Variants in NSD1 observed in about 807,000 individuals in gnomAD.
NSD1 encodes the protein nuclear receptor binding SET domain protein 1.
NSD1 carries 26 observed loss-of-function variants against 242.7 expected under a neutral mutation model. The observed-to-expected ratio is 0.11, with a 90% CI of 0.08 to 0.15. NSD1 has a LOEUF of 0.15. Ranked by LOEUF, NSD1 falls within the 10% of genes least tolerant of loss-of-function variation. The probability of loss-of-function intolerance (pLI) is 1.00; values close to 1 mark genes in which losing one functional copy is unlikely to be tolerated. For synonymous variants in NSD1, 1,106 were observed against 1,178.1 expected, an observed-to-expected ratio of 0.94 and a Z score of 1.25; for missense variants, 2,495 against 3,272.8, an observed-to-expected ratio of 0.76 and a Z score of 5.80.
At chr5:177,180,067 A>AT (rs1760531962) in intron 2 of NSD1, among the ~76,000 whole-genome samples, 1 of 150,760 alleles carries the variant, frequency 6.6e-6, no homozygotes, top group Non-Finnish European at 1.5e-5. Context: ...CGCCTGGCTA[A>AT]TTTTTGTTTT....
chr5:177,210,535 A>C lies in NSD1; in HGVS notation c.2136A>C (p.Leu712Phe). 6.2e-7 allele frequency: 1 copy of C among 1,614,182 alleles called. No individual in the cohort carries two copies. Among genetic ancestry groups the C allele is most frequent in the South Asian group, 1.1e-5 (1 of 91,080 alleles). Residue 712 changes from leucine (L) to phenylalanine (F), a missense_variant, in exon 5 of 23, where the codon TTA becomes TTC. Coordinates refer to ENST00000439151, the MANE Select transcript of NSD1 (RefSeq NM_022455.5). ...PLISNSHTDHLMGCTKSAEPG... is the reference protein window; with the variant it reads ...PLISNSHTDHFMGCTKSAEPG... Reference sequence around the variant, plus strand: ...TTAGTAACTCACATACAGACCACTTAATGGGTTGTACTAAGAGTGCAGAGC... The same window carrying C: ...TTAGTAACTCACATACAGACCACTTCATGGGTTGTACTAAGAGTGCAGAGC...
In NSD1 at chr5:177,298,991, C is replaced by G. The variant is rs560780373; in HGVS notation, c.*3532C>G. The G allele has an allele frequency of 3.0e-5, 7 of 233,184 alleles. No individual in the cohort carries two copies. Among genetic ancestry groups the G allele is most frequent in the Admixed American group, 5.6e-5 (1 of 17,800 alleles). 14.4% of individuals were successfully genotyped at this position (233,184 alleles called of 1,614,324 possible). A position where few individuals can be genotyped will look rare whatever the true frequency, so the allele number is the denominator to read the frequency against. ...AGAAGGAGCTGCCTCCAGCCCCTTT[C>G]TTGCTGAGTTTCATTTGAGCAGTTC... is the stretch of plus-strand genomic sequence containing the variant. On this transcript the variant is annotated 3_prime_UTR_variant, in exon 23 of 23. Transcript: ENST00000439151.
chr5:177,266,494 T>G (rs1562277076), intron 14 of NSD1: 1 of 623,428 alleles, frequency 1.6e-6, no homozygotes, highest in Admixed American at 2.3e-5. Flanking sequence ...GTAGTAATCT[T>G]TGGACGTCAT....
chr5:177,191,782 C>A, intron 2 of NSD1, 102 bp from the exon 3 acceptor site: 1 of 1,245,898 alleles, frequency 8.0e-7, no homozygotes, highest in South Asian at 1.3e-5. Context: ...TTTTCATTCT[C>A]AATTTTTCAT....
chr5:177,207,142 G>T (rs1338864286), intron 4 of NSD1, among the ~76,000 whole-genome samples: 1 of 151,820 alleles, frequency 6.6e-6, no homozygotes, highest in Non-Finnish European at 1.5e-5. Flanking sequence ...TCACTATGTT[G>T]GCCAGGCTGG....
chr5:177,139,802 T>A (rs1221235391), intron 2 of NSD1, among the ~76,000 whole-genome samples: 2 of 151,846 alleles, frequency 1.3e-5, no homozygotes, highest in African/African-American at 4.8e-5. Flanking sequence ...ACTCAGTTGG[T>A]TGTGGTGGTA....
intron 2 of NSD1, among the ~76,000 whole-genome samples, chr5:177,163,185 A>G (rs114254699): frequency 0.027 from 3,776 of 141,638 alleles, 49 homozygotes; most frequent in African/African-American, 0.03. Context: ...TTCTGTTGCC[A>G]AGTCTGGAAT....
At chr5:177,190,421 C>T (rs182150456) in intron 2 of NSD1, among the ~76,000 whole-genome samples, 1,830 of 149,074 alleles carry the variant, frequency 0.012, 19 homozygotes, top group Non-Finnish European at 0.02. Flanking sequence ...CTGGGATTAC[C>T]GGCATGCGCC....
rs1331858712 is a variant in NSD1 at position 177,269,821 on chromosome 5, TTTTG to T, written c.5509+18_5509+21del. On this transcript the variant is annotated intron_variant, in intron 16 of 22. Coordinates refer to ENST00000439151, the MANE Select transcript of NSD1 (RefSeq NM_022455.5). The surrounding 1 kb of genome is among the most constrained non-coding windows in gnomAD (Gnocchi z 5.1). ...CATATAAAAAAGGTAACTTTATCCT[TTTTG>T]TTTCTCAGGCAAACACAGACCTCTG... The T allele has an allele frequency of 6.2e-7, 1 of 1,604,242 alleles. No homozygotes were observed. The highest frequency in any genetic ancestry group is 8.5e-7 in the Non-Finnish European group (1 of 1,173,524).
In NSD1 at chr5:177,238,488, A is replaced by G; in HGVS notation, c.4173A>G (p.Glu1391=). Residue 1391 remains glutamate (E), a synonymous_variant, in exon 7 of 23, where the codon GAA becomes GAG. Transcript: ENST00000439151. The surrounding 1 kb of genome is among the most constrained non-coding windows in gnomAD (Gnocchi z 4.6). ...CACGGCCTGCCCTTGAGTCTGAGGAATTGCTAGTTAAAACGCCAGGTAAGG... is the reference window on the plus strand; with the variant it reads ...CACGGCCTGCCCTTGAGTCTGAGGAGTTGCTAGTTAAAACGCCAGGTAAGG... The part of the protein sequence containing the change: ...VSPRPALESE[E]LLVKTPGNYE... The G allele has an allele frequency of 1.2e-6, 2 of 1,613,586 alleles. No individual in the cohort carries two copies. Among genetic ancestry groups the G allele is most frequent in the Non-Finnish European group, 1.7e-6 (2 of 1,179,880 alleles).
Position 177,174,679 on chromosome 5 carries a change from C to G in NSD1, c.928-17205C>G, listed in dbSNP as rs570983746. Among the ~76,000 whole-genome samples the G allele has an allele frequency of 8.6e-5, 13 of 150,854 alleles. No individual in the cohort carries two copies. In the East Asian group the frequency reaches 2.6e-3, roughly 30 times the overall value. On this transcript the variant is annotated intron_variant, in intron 2 of 22. Coordinates refer to ENST00000439151, the MANE Select transcript of NSD1 (RefSeq NM_022455.5). ...GTTCAAGCAATTCTTCTGCCTCAGCCTCCTGAGTAGCTGGGATTACAGGTG... is the reference window on the plus strand; with the variant it reads ...GTTCAAGCAATTCTTCTGCCTCAGCGTCCTGAGTAGCTGGGATTACAGGTG...
chr5:177,194,579 C>CTTTTT (rs1200627969), intron 3 of NSD1, among the ~76,000 whole-genome samples: 4 of 88,572 alleles, frequency 4.5e-5, no homozygotes, highest in Non-Finnish European at 8.7e-5. Context: ...CACCATGCCT[C>CTTTTT]TTTTTTTTTT....
intron 2 of NSD1, among the ~76,000 whole-genome samples, chr5:177,173,257 A>C (rs377692780): frequency 3.5e-5 from 5 of 143,682 alleles, no homozygotes; most frequent in African/African-American, 1.3e-4. Flanking sequence ...GCGCCACTGC[A>C]CTCCAGCCTT....
intron 2 of NSD1, among the ~76,000 whole-genome samples, chr5:177,182,621 G>A (rs1368228689): frequency 5.4e-5 from 8 of 148,058 alleles, no homozygotes; most frequent in Non-Finnish European, 9.0e-5. Context: ...TCCCCTCCCC[G>A]CTTTTTAAAA....
intron 20 of NSD1, 153 bp from the exon 21 acceptor site, chr5:177,288,666 G>A (rs1189913584): frequency 3.2e-6 from 2 of 628,438 alleles, no homozygotes; most frequent in African/African-American, 3.7e-5. Flanking sequence ...GATTATTAAT[G>A]TTATAAGATT....
At chr5:177,138,605 T>G (rs1228721974) in intron 2 of NSD1, among the ~76,000 whole-genome samples, 1 of 151,974 alleles carries the variant, frequency 6.6e-6, no homozygotes, top group Non-Finnish European at 1.5e-5. Context: ...TTGAAATCTA[T>G]TGCCTTTATT....
chr5:177,206,330 G>A (rs1045061818), intron 4 of NSD1, among the ~76,000 whole-genome samples: 4 of 151,932 alleles, frequency 2.6e-5, no homozygotes, highest in Non-Finnish European at 5.9e-5. Context: ...TTTGTAGAAC[G>A]ACAAGGTCTT....
rs1760286247 is a variant in NSD1 at position 177,296,826 on chromosome 5, G to A, written c.*1367G>A. 1 of 233,324 alleles carries A rather than the reference G, an allele frequency of 4.3e-6. No homozygotes were observed. The highest frequency in any genetic ancestry group is 8.5e-6 in the Non-Finnish European group (1 of 118,082). The allele number at this position is 233,324 out of a possible 1,614,324, so 14.5% of individuals were successfully genotyped here. A position where few individuals can be genotyped will look rare whatever the true frequency, so the allele number is the denominator to read the frequency against. ...AGCTCACAGACTGCCAACAGGAAGT[G>A]CTGTTTGGCTAGTTTCCTCCCACTT... On this transcript the variant is annotated 3_prime_UTR_variant, in exon 23 of 23. Transcript: ENST00000439151.
chr5:177,241,032 A>G (rs116156494), intron 8 of NSD1, among the ~76,000 whole-genome samples: 115 of 152,284 alleles, frequency 7.6e-4, no homozygotes, highest in African/African-American at 2.6e-3. Context: ...CAATCAATCA[A>G]TAAATGAAAT....
Sources: allele counts gnomAD v4.1 joint callset (sites outside exome capture counted in the v4.1 genomes callset), GRCh38; gene constraint gnomAD v4.1.1; non-coding constraint Gnocchi (gnomAD v3.1); transcripts MANE v1.5; gene names NCBI Gene and HGNC (gene_info 2026-07-23, HGNC 2026-07-21).